CSMD3: variants seen among roughly 807,000 people sequenced by gnomAD.
CSMD3 encodes the protein CUB and Sushi multiple domains 3.
CSMD3 carries 177 observed loss-of-function variants against 435.2 expected under a neutral mutation model. The ratio of observed to expected loss-of-function variants is 0.41; its 90% CI spans 0.36 to 0.46. CSMD3 has a LOEUF of 0.46. Ranked by LOEUF, CSMD3 falls within the 20% of genes least tolerant of loss-of-function variation. The pLI, the probability that CSMD3 is intolerant of heterozygous loss-of-function variation, is 0.34. For synonymous variants in CSMD3, 1,656 were observed against 1,520.5 expected (o/e 1.09, Z -2.07); for missense variants, 4,265 against 4,504.6 (o/e 0.95, Z 1.52).
chr8:112,686,097 CA>C (rs2076005348), intron 14 of CSMD3, among the ~76,000 whole-genome samples: 1 of 151,974 alleles, frequency 6.6e-6, no homozygotes, highest in Non-Finnish European at 1.5e-5. Context: ...TGATTGAAGA[CA>C]AAAAATATTA....
At chr8:112,733,587 G>A (rs974109990) in intron 13 of CSMD3, among the ~76,000 whole-genome samples, 4 of 151,938 alleles carry the variant, frequency 2.6e-5, no homozygotes, top group African/African-American at 9.7e-5. Flanking sequence ...TAAGTAATTT[G>A]TAAGTTAGAT....
intron 1 of CSMD3, among the ~76,000 whole-genome samples, chr8:113,384,495 T>C (rs1181373757): frequency 6.6e-6 from 1 of 152,038 alleles, no homozygotes; most frequent in Non-Finnish European, 1.5e-5. Context: ...AGGTGTCAGA[T>C]AGGAAATAAC....
At chr8:112,865,875 T>C (rs1269482912) in intron 10 of CSMD3, among the ~76,000 whole-genome samples, 2 of 152,188 alleles carry the variant, frequency 1.3e-5, no homozygotes, top group Admixed American at 6.5e-5. Flanking sequence ...GAGCAAATGA[T>C]TAAAATACTT....
chr8:113,034,488 C>A (rs2087255220), intron 5 of CSMD3, among the ~76,000 whole-genome samples: 1 of 145,294 alleles, frequency 6.9e-6, no homozygotes, highest in Non-Finnish European at 1.6e-5. Context: ...ACAATAAAGG[C>A]AACAATAAAG....
chr8:113,339,215 G>A (rs978736910), intron 1 of CSMD3, among the ~76,000 whole-genome samples: 39 of 151,310 alleles, frequency 2.6e-4, no homozygotes, highest in Admixed American at 6.6e-5. Context: ...CTCTTCCTCC[G>A]CCTCATAGTT....
intron 5 of CSMD3, among the ~76,000 whole-genome samples, chr8:113,054,838 T>C (rs1423032371): frequency 6.6e-6 from 1 of 152,156 alleles, no homozygotes; most frequent in Non-Finnish European, 1.5e-5. Flanking sequence ...TAAATGTCTC[T>C]AGTGGATTAC....
chr8:112,450,138 T>G (rs576240038), intron 32 of CSMD3, among the ~76,000 whole-genome samples: 2 of 152,208 alleles, frequency 1.3e-5, no homozygotes, highest in Non-Finnish European at 2.9e-5. Flanking sequence ...TCAATAAGTC[T>G]ATAAGATTAT....
chr8:112,486,023 CTAAGTA>C (rs1292939281), intron 31 of CSMD3, among the ~76,000 whole-genome samples: 1 of 149,782 alleles, frequency 6.7e-6, no homozygotes, highest in Non-Finnish European at 1.5e-5. Flanking sequence ...CTAGCGCTGG[CTAAGTA>C]TATCTATATA....
At chr8:112,950,476 A>T (rs1045200115) in intron 8 of CSMD3, among the ~76,000 whole-genome samples, 1 of 151,866 alleles carries the variant, frequency 6.6e-6, no homozygotes, top group South Asian at 2.1e-4. Context: ...AATAAGAAAA[A>T]TCCCATTTTT....
intron 41 of CSMD3, among the ~76,000 whole-genome samples, chr8:112,345,038 T>C (rs1227228237): frequency 2.0e-5 from 3 of 152,142 alleles, no homozygotes; most frequent in African/African-American, 7.2e-5. Flanking sequence ...ATTCAGGGTA[T>C]ATCCATACAT....
chr8:113,387,037 T>G (rs577829213), intron 1 of CSMD3, among the ~76,000 whole-genome samples: 1 of 151,826 alleles, frequency 6.6e-6, no homozygotes, highest in Non-Finnish European at 1.5e-5. Context: ...CAAGGAACAT[T>G]TTGAATTGGC....
intron 69 of CSMD3, among the ~76,000 whole-genome samples, chr8:112,229,108 T>C (rs1812842390): frequency 6.6e-6 from 1 of 152,106 alleles, no homozygotes; most frequent in Admixed American, 6.5e-5. Context: ...GACAAAAAAA[T>C]AGGCAGAGCC....
intron 13 of CSMD3, among the ~76,000 whole-genome samples, chr8:112,735,933 A>G (rs2077177125): frequency 6.6e-6 from 1 of 151,978 alleles, no homozygotes; most frequent in Non-Finnish European, 1.5e-5. Flanking sequence ...TCAAAATCTA[A>G]AATTTTTAAT....
chr8:112,822,627 TTCTCTTTATTTCC>T (rs2079558938), intron 12 of CSMD3, among the ~76,000 whole-genome samples: 1 of 151,902 alleles, frequency 6.6e-6, no homozygotes, highest in African/African-American at 2.4e-5. Context: ...CTTTATTTAT[TTCTCTTTATTTCC>T]TCTCTTTATT....
intron 3 of CSMD3, among the ~76,000 whole-genome samples, chr8:113,209,698 A>G (rs1563549399): frequency 2.6e-5 from 4 of 152,160 alleles, no homozygotes; most frequent in Admixed American, 1.3e-4. Context: ...GAAAACACAA[A>G]GGATATAAAT....
chr8:112,527,287 T>C (rs1162149888), intron 27 of CSMD3, among the ~76,000 whole-genome samples: 2 of 151,580 alleles, frequency 1.3e-5, no homozygotes, highest in Admixed American at 6.6e-5. Flanking sequence ...GATATATATA[T>C]AGAAAAAGTA....
intron 32 of CSMD3, among the ~76,000 whole-genome samples, chr8:112,465,923 C>T (rs540387281): frequency 3.4e-5 from 5 of 149,088 alleles, no homozygotes; most frequent in African/African-American, 1.2e-4. Flanking sequence ...TGCAGTGAGC[C>T]GAGATGGCAC....
chr8:112,774,176 T>C (rs1270796433), intron 13 of CSMD3, among the ~76,000 whole-genome samples: 1 of 152,022 alleles, frequency 6.6e-6, no homozygotes, highest in Non-Finnish European at 1.5e-5. Flanking sequence ...CTGCTCATGA[T>C]TATTCTCTCC....
At chr8:113,223,675 T>C (rs1480065272) in intron 3 of CSMD3, among the ~76,000 whole-genome samples, 1 of 149,772 alleles carries the variant, frequency 6.7e-6, no homozygotes, top group Non-Finnish European at 1.5e-5. Context: ...TGTCTGTGGT[T>C]TTATTCTTTC....
Sources: gnomAD v4.1 joint callset for allele counts (sites outside exome capture counted in the v4.1 genomes callset) on GRCh38, gnomAD v4.1.1 for gene constraint, MANE v1.5 for transcripts, NCBI Gene and HGNC (gene_info 2026-07-23, HGNC 2026-07-21) for gene names.